Variants in SMCO4 observed in about 807,000 individuals in gnomAD.
The protein encoded by SMCO4 is single-pass membrane and coiled-coil domain-containing protein 4.
Under a neutral mutation model 3.6 loss-of-function variants are expected in SMCO4, and 4 were observed. The ratio of observed to expected loss-of-function variants is 1.11; its 90% CI spans 0.54 to 2.53. The LOEUF (loss-of-function observed/expected upper bound fraction) is 2.53, where lower values mean the gene tolerates loss of function less well. Ranked by LOEUF, SMCO4 falls within the 30% of genes most tolerant of loss-of-function variation. The pLI is 0.02. For missense variants in SMCO4, 70 were observed against 80.8 expected (o/e 0.87, Z 0.51); for synonymous variants, 36 against 35.3 (o/e 1.02, Z -0.07).
upstream of SMCO4, among the ~76,000 whole-genome samples, chr11:93,548,143 G>A (rs565993701): frequency 3.3e-5 from 5 of 152,294 alleles, no homozygotes; most frequent in South Asian, 2.1e-4. Context: ...GTTATCTGCC[G>A]ATGGCTGCAA....
At chr11:93,546,833 A>G (rs917639641), upstream of SMCO4, among the ~76,000 whole-genome samples, 4 of 152,144 alleles carry the variant, frequency 2.6e-5, no homozygotes, top group African/African-American at 9.7e-5. Context: ...CCCTACAGAG[A>G]TATTGGTACT....
At chr11:93,480,321 G>A (rs1322337498) in intron 2 of SMCO4, among the ~76,000 whole-genome samples, 1 of 152,102 alleles carries the variant, frequency 6.6e-6, no homozygotes, top group East Asian at 1.9e-4. Context: ...CACTGGACAT[G>A]GGCACTGGAG....
At chr11:93,538,958 C>T (rs528172211) in intron 1 of SMCO4, among the ~76,000 whole-genome samples, 2 of 152,332 alleles carry the variant, frequency 1.3e-5, no homozygotes, top group African/African-American at 4.8e-5. Context: ...AGGACTAAGT[C>T]CCAACCCTGG....
chr11:93,548,819 G>A, the SMCO4 span, among the ~76,000 whole-genome samples: 1 of 152,214 alleles, frequency 6.6e-6, no homozygotes, highest in Admixed American at 6.5e-5. Context: ...GCCTCAAGCA[G>A]GTGGCTCAAG....
intron 1 of SMCO4, among the ~76,000 whole-genome samples, chr11:93,532,756 GAAC>G (rs1949175304): frequency 6.6e-6 from 1 of 152,144 alleles, no homozygotes; most frequent in African/African-American, 2.4e-5. Context: ...GGGAGGCATG[GAAC>G]AGACTCCCCT....
chr11:93,480,443 T>A (rs1328684551), intron 2 of SMCO4, among the ~76,000 whole-genome samples: 1 of 152,214 alleles, frequency 6.6e-6, no homozygotes, highest in Admixed American at 6.5e-5. Flanking sequence ...CTTCCATGCA[T>A]GTGTGACTAG....
chr11:93,497,270 G>A (rs1948785534), intron 2 of SMCO4, among the ~76,000 whole-genome samples: 1 of 152,182 alleles, frequency 6.6e-6, no homozygotes, highest in African/African-American at 2.4e-5. Context: ...TGCCTTGACT[G>A]ATAGAAACCA....
At chr11:93,536,866 A>G (rs1010501527) in intron 1 of SMCO4, among the ~76,000 whole-genome samples, 3 of 152,250 alleles carry the variant, frequency 2.0e-5, no homozygotes, top group African/African-American at 7.2e-5. Flanking sequence ...TGCTGCACCA[A>G]TTTGAACAGG....
intron 1 of SMCO4, among the ~76,000 whole-genome samples, chr11:93,501,592 T>G (rs1223824154): frequency 6.6e-6 from 1 of 152,026 alleles, no homozygotes; most frequent in Non-Finnish European, 1.5e-5. Flanking sequence ...GCTTCTCTCT[T>G]ATAAGAATAT....
upstream of SMCO4, among the ~76,000 whole-genome samples, chr11:93,547,620 T>A (rs1949323699): frequency 6.6e-6 from 1 of 152,220 alleles, no homozygotes; most frequent in Non-Finnish European, 1.5e-5. Flanking sequence ...ATACCTAGCA[T>A]GGAGCCTGGT....
chr11:93,514,543 C>G (rs994417420), intron 1 of SMCO4, among the ~76,000 whole-genome samples: 2 of 151,538 alleles, frequency 1.3e-5, no homozygotes, highest in African/African-American at 4.9e-5. Context: ...CCTCTGCCAC[C>G]CTCCAAACCC....
At chr11:93,541,720 A>G (rs925886878) in intron 1 of SMCO4, among the ~76,000 whole-genome samples, 1 of 152,238 alleles carries the variant, frequency 6.6e-6, no homozygotes, top group Admixed American at 6.5e-5. Flanking sequence ...TTGTAAATCG[A>G]GTACCAACTA....
chr11:93,541,096 C>A (rs766992422), intron 1 of SMCO4, among the ~76,000 whole-genome samples: 6 of 152,234 alleles, frequency 3.9e-5, no homozygotes, highest in Non-Finnish European at 5.9e-5. Context: ...AATACACACA[C>A]AAAAAAAATT....
intron 1 of SMCO4, among the ~76,000 whole-genome samples, chr11:93,528,406 G>A (rs550083238): frequency 6.6e-6 from 1 of 152,344 alleles, no homozygotes; most frequent in South Asian, 2.1e-4. Context: ...CGCCTCCAGA[G>A]CCAGAATGGA....
intron 1 of SMCO4, among the ~76,000 whole-genome samples, chr11:93,530,552 A>G (rs1949152570): frequency 6.6e-6 from 1 of 152,168 alleles, no homozygotes; most frequent in Admixed American, 6.5e-5. Context: ...ACCTGCTTTC[A>G]TTCATGCTCA....
chr11:93,511,291 C>T (rs188531798), intron 1 of SMCO4, among the ~76,000 whole-genome samples: 32 of 152,242 alleles, frequency 2.1e-4, no homozygotes, highest in Admixed American at 6.5e-4. Flanking sequence ...AATCAAACAC[C>T]CAGTTAGGTT....
intron 2 of SMCO4, among the ~76,000 whole-genome samples, chr11:93,493,537 C>T (rs1948742984): frequency 6.6e-6 from 1 of 152,216 alleles, no homozygotes; most frequent in Admixed American, 6.5e-5. Flanking sequence ...GAGTCCTCAG[C>T]ATCTCCACCC....
intron 1 of SMCO4, among the ~76,000 whole-genome samples, chr11:93,506,440 C>CT (rs35870051): frequency 0.15 from 21,017 of 139,742 alleles, 1,754 homozygotes; most frequent in South Asian, 0.2. Flanking sequence ...ACACACACAG[C>CT]TTTTTTTTTT....
intron 2 of SMCO4, chr11:93,481,480 C>T: frequency 2.0e-6 from 2 of 985,420 alleles, no homozygotes; most frequent in Admixed American, 1.2e-4. Flanking sequence ...TAACTCAGGG[C>T]TTGGCACAGA....
Sources: gnomAD v4.1 joint callset for allele counts (sites outside exome capture counted in the v4.1 genomes callset) on GRCh38, gnomAD v4.1.1 for gene constraint, MANE v1.5 for transcripts, NCBI Gene and HGNC (gene_info 2026-07-23, HGNC 2026-07-21) for gene names.